The following ANO2 variants were observed in gnomAD, a reference collection of about 807,000 sequenced individuals.
The protein encoded by ANO2 is anoctamin 2, also known as anoctamin-2.
ANO2 carries 101 observed loss-of-function variants against 124.2 expected under a neutral mutation model. The ratio of observed to expected loss-of-function variants is 0.81; its 90% CI spans 0.69 to 0.96. The LOEUF is 0.96. Ranked by LOEUF, ANO2 falls within the 40% of genes least tolerant of loss-of-function variation. The pLI is 0.00. For missense variants in ANO2, 1,293 were observed against 1,274.5 expected (o/e 1.01, Z -0.22); for synonymous variants, 486 against 482.5 (o/e 1.01, Z -0.09).
At chr12:5,843,967 G>A (rs920017188) in intron 4 of ANO2, among the ~76,000 whole-genome samples, 1 of 152,194 alleles carries the variant, frequency 6.6e-6, no homozygotes, top group Non-Finnish European at 1.5e-5. Context: ...AGGACCTGAA[G>A]CAGCTGAAGA....
chr12:5,850,031 A>G (rs922648056), intron 4 of ANO2, among the ~76,000 whole-genome samples: 1 of 152,048 alleles, frequency 6.6e-6, no homozygotes, highest in Admixed American at 6.6e-5. Flanking sequence ...CAAACATAGC[A>G]TCCTACCCAG....
In ANO2 at chr12:5,575,949, T is replaced by A; in HGVS notation, c.2506A>T (p.Asn836Tyr). 1 of 1,613,354 alleles carries A rather than the reference T, an allele frequency of 6.2e-7. No individual in the cohort carries two copies. Among genetic ancestry groups the A allele is most frequent in the South Asian group, 1.1e-5 (1 of 90,838 alleles). ...RLVYQYSYSH[N>Y]GTLHGFVNHT... is the part of the protein sequence containing the mutation. Reference sequence around the variant, plus strand: ...TTGACAAAGCCGTGCAGAGTCCCATTGTGACTGTAGGAGTACTGGTACACC... The same window carrying A: ...TTGACAAAGCCGTGCAGAGTCCCATAGTGACTGTAGGAGTACTGGTACACC... The change falls in exon 23 of 25, where the codon AAT becomes TAT. Residue 836 changes from asparagine to tyrosine, a missense_variant. Physicochemically the swap from Asn to Tyr is moderately radical, Grantham distance 143. Transcript: ENST00000682330.
At chr12:5,710,833 G>T (rs1480454986) in intron 14 of ANO2, among the ~76,000 whole-genome samples, 1 of 152,146 alleles carries the variant, frequency 6.6e-6, no homozygotes, top group Non-Finnish European at 1.5e-5. Flanking sequence ...GGCTGATAGA[G>T]TATGAATGTT....
intron 3 of ANO2, among the ~76,000 whole-genome samples, chr12:5,918,538 C>A (rs1391096556): frequency 6.6e-6 from 1 of 151,164 alleles, no homozygotes; most frequent in African/African-American, 2.4e-5. Flanking sequence ...CTCCCGGGTT[C>A]AAGCGATTCT....
In ANO2 at chr12:5,575,816, T is replaced by C. The variant is rs1181167265; in HGVS notation, c.2621+18A>G. On this transcript the variant is annotated intron_variant, in intron 23 of 24. Coordinates refer to ENST00000682330, the MANE Select transcript of ANO2 (RefSeq NM_001364791.2). ...TGCTTCTGGTCCTCTGCTGCCCTTC[T>C]CCTGAAGATTACTTTACCTGCAGAA... The C allele has an allele frequency of 6.2e-7, 1 of 1,611,298 alleles. No homozygotes were observed. The highest frequency in any genetic ancestry group is 8.5e-7 in the Non-Finnish European group (1 of 1,178,224).
At chr12:5,923,110 ACATGCACGCACACACACC>A (rs1941836654) in intron 1 of ANO2, among the ~76,000 whole-genome samples, 1 of 64,930 alleles carries the variant, frequency 1.5e-5, no homozygotes, top group Non-Finnish European at 3.8e-5. Context: ...ACATACACAC[ACATGCACGCACACACACC>A]CACATACACA....
chr12:5,714,503 T>C (rs1261878171), intron 14 of ANO2, among the ~76,000 whole-genome samples: 1 of 152,174 alleles, frequency 6.6e-6, no homozygotes, highest in African/African-American at 2.4e-5. Context: ...AGAAATAGCA[T>C]GGAACACTCC....
At chr12:5,681,117 T>C (rs1371790460) in intron 14 of ANO2, among the ~76,000 whole-genome samples, 3 of 152,196 alleles carry the variant, frequency 2.0e-5, no homozygotes, top group African/African-American at 7.2e-5. Flanking sequence ...CACAGAGCAC[T>C]GCCTTCTGCT....
chr12:5,797,267 AG>A (rs1174356264), intron 10 of ANO2, among the ~76,000 whole-genome samples: 1 of 152,134 alleles, frequency 6.6e-6, no homozygotes, highest in Non-Finnish European at 1.5e-5. Flanking sequence ...AATGATGGAG[AG>A]GAAGTGGCAA....
At chr12:5,697,637 G>C (rs1339057641) in intron 14 of ANO2, among the ~76,000 whole-genome samples, 2 of 152,142 alleles carry the variant, frequency 1.3e-5, no homozygotes, top group African/African-American at 4.8e-5. Context: ...CACCAAGCAT[G>C]AGCCAAAGCA....
chr12:5,668,017 T>C (rs1204783015), intron 14 of ANO2, among the ~76,000 whole-genome samples: 1 of 152,248 alleles, frequency 6.6e-6, no homozygotes, highest in Non-Finnish European at 1.5e-5. Context: ...TGAACATACA[T>C]GTGCATGTAT....
At chr12:5,577,921 A>G in intron 22 of ANO2, 34 bp downstream of exon 22, 2 of 1,605,356 alleles carry the variant, frequency 1.2e-6, no homozygotes, top group Non-Finnish European at 1.7e-6. Flanking sequence ...AGCCCTTCCC[A>G]CAGAGCGAGT....
rs772050768 is a variant in ANO2, at chr12:5,921,126, C to A, written c.448G>T (p.Ala150Ser). The part of the protein sequence containing the change: ...PGDIELGPLD[A>S]LEEERKEQRE... ...TGCTCCTTCCTCTCCTCCTCCAGGGCATCGAGCGGTCCCAGCTCAATGTCA... is the reference window on the plus strand; with the variant it reads ...TGCTCCTTCCTCTCCTCCTCCAGGGAATCGAGCGGTCCCAGCTCAATGTCA... Residue 150 changes from alanine to serine, a missense_variant, in exon 3 of 25, where the codon GCC becomes TCC. By Grantham distance (99) the Ala-to-Ser change is moderately conservative. Coordinates refer to ENST00000682330, the MANE Select transcript of ANO2 (RefSeq NM_001364791.2). 1 of 1,614,006 alleles carries A rather than the reference C, an allele frequency of 6.2e-7. No individual in the cohort carries two copies. Among genetic ancestry groups the A allele is most frequent in the Non-Finnish European group, 8.5e-7 (1 of 1,179,892 alleles).
At chr12:5,740,124 C>T (rs958208834) in intron 12 of ANO2, 3 of 387,776 alleles carry the variant, frequency 7.7e-6, no homozygotes, top group South Asian at 1.9e-5. Context: ...GATACCCCCA[C>T]GAGCACAACC....
intron 4 of ANO2, among the ~76,000 whole-genome samples, chr12:5,844,223 C>T (rs754312199): frequency 2.6e-5 from 4 of 152,088 alleles, no homozygotes; most frequent in Non-Finnish European, 4.4e-5. Context: ...TCTGCTTGGA[C>T]GAGAGTCTAA....
chr12:5,614,928 C>T (rs1433376760), intron 17 of ANO2, among the ~76,000 whole-genome samples: 2 of 152,182 alleles, frequency 1.3e-5, no homozygotes, highest in Non-Finnish European at 2.9e-5. Flanking sequence ...TTGAGAGACA[C>T]AAATTCTTTC....
chr12:5,643,979 T>C (rs1008241787), intron 15 of ANO2, among the ~76,000 whole-genome samples: 19 of 152,246 alleles, frequency 1.2e-4, no homozygotes, highest in African/African-American at 4.6e-4. Context: ...TAATTTGTCT[T>C]CTCACAGAGT....
chr12:5,648,977 T>C (rs1389653460), intron 14 of ANO2, among the ~76,000 whole-genome samples: 4 of 152,200 alleles, frequency 2.6e-5, no homozygotes, highest in Non-Finnish European at 2.9e-5. Context: ...GACATTCTTA[T>C]ACTAAAAGAT....
rs57038931 is a variant in ANO2 at position 5,873,196 on chromosome 12, GCTCTCTCTCTCTCTCT to G, written c.535-19071_535-19056del. On this transcript the variant is annotated intron_variant, in intron 3 of 24. Transcript: ENST00000682330. ...AACTTTGTTACTTTTGCCTAAAGCA[GCTCTCTCTCTCTCTCT>G]CTCTCTCTCTCTCTCTCTCTCTCTC... is the stretch of plus-strand genomic sequence containing the variant. Among the ~76,000 whole-genome samples, 207 of 119,050 alleles carry G rather than the reference GCTCTCTCTCTCTCTCT, an allele frequency of 1.7e-3. 2 individuals carry two copies. Among genetic ancestry groups the G allele is most frequent in the Admixed American group, 4.1e-3 (48 of 11,752 alleles). 78.1% of individuals were successfully genotyped at this position (119,050 alleles called of 152,430 possible).
Sources: allele counts gnomAD v4.1 joint callset (sites outside exome capture counted in the v4.1 genomes callset), GRCh38; gene constraint gnomAD v4.1.1; transcripts MANE v1.5; gene names NCBI Gene and HGNC (gene_info 2026-07-23, HGNC 2026-07-21).